Variants in CHCHD3 observed in about 807,000 individuals in gnomAD.
CHCHD3 encodes coiled-coil-helix-coiled-coil-helix domain containing 3.
A neutral mutation model predicts 38.2 loss-of-function variants in CHCHD3; 20 were observed. The observed-to-expected ratio is 0.52, with a 90% CI of 0.37 to 0.76. The LOEUF is 0.76. CHCHD3 is among the 30% of genes least tolerant of loss of function. The pLI, the probability that CHCHD3 is intolerant of heterozygous loss-of-function variation, is 0.00. For synonymous variants in CHCHD3, 82 were observed against 100.0 expected, an observed-to-expected ratio of 0.82 and a Z score of 1.07; for missense variants, 245 against 279.2, an observed-to-expected ratio of 0.88 and a Z score of 0.87.
chr7:132,848,629 T>C (rs1808140096), intron 5 of CHCHD3, among the ~76,000 whole-genome samples: 1 of 152,182 alleles, frequency 6.6e-6, no homozygotes, highest in Non-Finnish European at 1.5e-5. Context: ...ATAGTCCAAA[T>C]TTAGTTTATC....
At chr7:132,789,069 T>A (rs1585514581) in intron 7 of CHCHD3, among the ~76,000 whole-genome samples, 1 of 152,192 alleles carries the variant, frequency 6.6e-6, no homozygotes, top group South Asian at 2.1e-4. Flanking sequence ...GAGGGATCCG[T>A]AGTCTGGTGG....
In CHCHD3 at chr7:132,890,876, T is replaced by C. The variant is rs550859093; in HGVS notation, c.370-5131A>G. Among the ~76,000 whole-genome samples, 21 of 152,318 alleles carry C rather than the reference T, an allele frequency of 1.4e-4. No individual in the cohort carries two copies. The South Asian group carries it at 4.3e-3, about 32-fold the overall frequency. On this transcript the variant is annotated intron_variant, in intron 4 of 7. Transcript: ENST00000262570. ...CTTTCACTATAATATGGATAATCTA[T>C]GGTAGGCAAAATCTGTTTTACAACT...
At chr7:133,014,529 A>T (rs1408391292) in intron 3 of CHCHD3, among the ~76,000 whole-genome samples, 1 of 141,434 alleles carries the variant, frequency 7.1e-6, no homozygotes, top group African/African-American at 2.6e-5. Flanking sequence ...ATTTCAAAAC[A>T]TCTAAATTTG....
At chr7:133,056,607 C>A (rs1584676842) in intron 2 of CHCHD3, among the ~76,000 whole-genome samples, 1 of 152,052 alleles carries the variant, frequency 6.6e-6, no homozygotes, top group Non-Finnish European at 1.5e-5. Context: ...TTTGTTGGAA[C>A]AAGGGCACAG....
chr7:133,037,490 A>G (rs957407463), intron 2 of CHCHD3, among the ~76,000 whole-genome samples: 6 of 152,222 alleles, frequency 3.9e-5, no homozygotes, highest in African/African-American at 1.2e-4. Context: ...ACAGTACTGA[A>G]AAAAGCCTAA....
At chr7:133,062,728 A>G (rs556797456) in intron 2 of CHCHD3, among the ~76,000 whole-genome samples, 162 of 152,300 alleles carry the variant, frequency 1.1e-3, no homozygotes, top group African/African-American at 3.7e-3. Context: ...CGACATTACT[A>G]TATTTCTAAT....
intron 3 of CHCHD3, among the ~76,000 whole-genome samples, chr7:133,015,439 A>G (rs1813004071): frequency 6.6e-6 from 1 of 152,170 alleles, no homozygotes; most frequent in Non-Finnish European, 1.5e-5. Context: ...ACAGGTTCTC[A>G]AGACAGCTTG....
At chr7:132,831,170 T>C (rs935430645) in intron 6 of CHCHD3, among the ~76,000 whole-genome samples, 1 of 152,208 alleles carries the variant, frequency 6.6e-6, no homozygotes, top group Non-Finnish European at 1.5e-5. Flanking sequence ...ACTCTAGTTA[T>C]AATGTAACTG....
chr7:132,931,512 T>C (rs1810514630), intron 4 of CHCHD3, among the ~76,000 whole-genome samples: 1 of 152,226 alleles, frequency 6.6e-6, no homozygotes, highest in African/African-American at 2.4e-5. Flanking sequence ...GTTTTTCTTA[T>C]ACTAGAACAT....
intron 6 of CHCHD3, among the ~76,000 whole-genome samples, chr7:132,823,854 T>C (rs1807442514): frequency 6.6e-6 from 1 of 152,182 alleles, no homozygotes; most frequent in African/African-American, 2.4e-5. Flanking sequence ...AAAGATATCA[T>C]AGCTAGGAGT....
chr7:132,995,599 G>T (rs1301968396), intron 3 of CHCHD3, among the ~76,000 whole-genome samples: 3 of 152,186 alleles, frequency 2.0e-5, no homozygotes, highest in African/African-American at 7.2e-5. Context: ...GCATTTAAAA[G>T]CACTTTTTGT....
chr7:132,961,576 ATC>A (rs1811322091), intron 4 of CHCHD3, among the ~76,000 whole-genome samples: 1 of 152,222 alleles, frequency 6.6e-6, no homozygotes, highest in Admixed American at 6.5e-5. Flanking sequence ...CACATCTATC[ATC>A]TCACACCTGT....
At chr7:133,010,654 C>T (rs976461631) in intron 3 of CHCHD3, among the ~76,000 whole-genome samples, 1 of 152,132 alleles carries the variant, frequency 6.6e-6, no homozygotes, top group Admixed American at 6.5e-5. Flanking sequence ...TCTCGGCTTA[C>T]TACAACCTCT....
chr7:133,069,061 T>C (rs936683310), intron 2 of CHCHD3, among the ~76,000 whole-genome samples: 4 of 151,826 alleles, frequency 2.6e-5, no homozygotes, highest in Non-Finnish European at 4.4e-5. Flanking sequence ...CAAAGAACCC[T>C]GGACTGAGGG....
At chr7:132,941,880 T>A (rs537363731) in intron 4 of CHCHD3, among the ~76,000 whole-genome samples, 4 of 152,258 alleles carry the variant, frequency 2.6e-5, no homozygotes, top group African/African-American at 9.6e-5. Flanking sequence ...ACCATAGCAA[T>A]AGGAATTTAA....
In CHCHD3 at chr7:132,788,639, G is replaced by A. The variant is rs865881174; in HGVS notation, c.661-2979C>T. Among the ~76,000 whole-genome samples the A allele has an allele frequency of 7.9e-5, 12 of 152,100 alleles. No homozygotes were observed. Among genetic ancestry groups the A allele is most frequent in the South Asian group, 2.1e-4 (1 of 4,812 alleles). ...CTCTCTTTCAGAAAGAGACAAGATG[G>A]GGCCTGGCTGGTCTGAGGATGAGCA... On this transcript the variant is annotated intron_variant, in intron 7 of 7. Transcript: ENST00000262570. This position sits in a 1 kb window ranked among gnomAD's most constrained non-coding sequence, Gnocchi z 4.0.
chr7:133,064,523 A>C (rs60974570), intron 2 of CHCHD3, among the ~76,000 whole-genome samples: 2 of 152,212 alleles, frequency 1.3e-5, no homozygotes, highest in Non-Finnish European at 2.9e-5. Flanking sequence ...ATGAGCCTTA[A>C]AGAGCTGTTT....
chr7:132,993,754 A>G (rs1356634522), intron 3 of CHCHD3, among the ~76,000 whole-genome samples: 1 of 152,178 alleles, frequency 6.6e-6, no homozygotes, highest in Admixed American at 6.5e-5. Context: ...GTTGACAGGG[A>G]CATGAAAACC....
In CHCHD3 at chr7:133,006,672, T is replaced by A. The variant is rs1000000290; in HGVS notation, c.251+17874A>T. ...AGTAACACAATTTCTTGAGGGCAAT[T>A]TGACAATAATAATATTTAGTATAAC... On this transcript the variant is annotated intron_variant, in intron 3 of 7. Transcript: ENST00000262570. Among the ~76,000 whole-genome samples the A allele has an allele frequency of 7.9e-5, 12 of 152,098 alleles. No homozygotes were observed. In the East Asian group the frequency reaches 2.3e-3, roughly 29 times the overall value.
Sources: gnomAD v4.1 joint callset for allele counts (sites outside exome capture counted in the v4.1 genomes callset) on GRCh38, gnomAD v4.1.1 for gene constraint, Gnocchi (gnomAD v3.1) non-coding constraint, MANE v1.5 for transcripts, NCBI Gene and HGNC (gene_info 2026-07-23, HGNC 2026-07-21) for gene names.